Variants in DOK5 observed in about 807,000 individuals in gnomAD.
DOK5 encodes the protein downstream of tyrosine kinase 5.
DOK5 carries 27 observed loss-of-function variants against 43.3 expected under a neutral mutation model. The ratio of observed to expected loss-of-function variants is 0.62; its 90% confidence interval spans 0.46 to 0.86. The LOEUF is 0.86. DOK5 is among the 40% of genes least tolerant of loss of function. The pLI is 0.00. For missense variants in DOK5, 373 were observed against 392.9 expected, an observed-to-expected ratio of 0.95 and a Z score of 0.43; for synonymous variants, 146 against 140.1, an observed-to-expected ratio of 1.04 and a Z score of -0.30.
intron 4 of DOK5, among the ~76,000 whole-genome samples, chr20:54,591,328 T>C (rs2169707): frequency 0.18 from 28,110 of 152,182 alleles, 5,056 homozygotes; most frequent in African/African-American, 0.47. Context: ...TATTGGCATA[T>C]ACATTTTTAT....
chr20:54,611,873 A>G (rs1389144364), intron 6 of DOK5, among the ~76,000 whole-genome samples: 1 of 152,190 alleles, frequency 6.6e-6, no homozygotes, highest in East Asian at 1.9e-4. Flanking sequence ...TTATTCCCAA[A>G]TGACGTCTAT....
chr20:54,621,471 C>G (rs1432850141), intron 6 of DOK5, among the ~76,000 whole-genome samples: 1 of 152,140 alleles, frequency 6.6e-6, no homozygotes. Context: ...GCGGGCAGAT[C>G]ACTTGAGGTC....
At chr20:54,581,946 T>G (rs965734312) in intron 2 of DOK5, among the ~76,000 whole-genome samples, 2 of 152,008 alleles carry the variant, frequency 1.3e-5, no homozygotes, top group African/African-American at 4.8e-5. Context: ...AATGTGGTGA[T>G]AGTTGGCACC....
At chr20:54,480,988 TATC>T (rs1403831561) in intron 1 of DOK5, among the ~76,000 whole-genome samples, 5 of 27,508 alleles carry the variant, frequency 1.8e-4, no homozygotes, top group Admixed American at 4.8e-4. Context: ...ATCTATCATC[TATC>T]ATCTATCTAT....
chr20:54,490,870 G>A (rs1179703139), intron 1 of DOK5, among the ~76,000 whole-genome samples: 2 of 152,176 alleles, frequency 1.3e-5, no homozygotes, highest in Non-Finnish European at 2.9e-5. Context: ...TTACAGGCGT[G>A]AGCCACCGCG....
chr20:54,514,164 G>A (rs1018167960), intron 1 of DOK5, among the ~76,000 whole-genome samples: 2 of 152,208 alleles, frequency 1.3e-5, no homozygotes, highest in African/African-American at 4.8e-5. Flanking sequence ...ATGTGGCTCT[G>A]AATACAGGGC....
chr20:54,526,074 C>T (rs934722550), intron 1 of DOK5, among the ~76,000 whole-genome samples: 1 of 152,086 alleles, frequency 6.6e-6, no homozygotes, highest in African/African-American at 2.4e-5. Flanking sequence ...GCTGCCTCTC[C>T]CATTAAGGTT....
chr20:54,612,069 G>T (rs1443353031), intron 6 of DOK5, among the ~76,000 whole-genome samples: 5 of 152,178 alleles, frequency 3.3e-5, no homozygotes, highest in Non-Finnish European at 1.5e-5. Flanking sequence ...TTTATTAATG[G>T]ACATTGAGAT....
intron 2 of DOK5, among the ~76,000 whole-genome samples, chr20:54,560,119 C>CTG (rs756764339): frequency 1.6e-4 from 25 of 152,124 alleles, no homozygotes; most frequent in African/African-American, 2.4e-4. Context: ...TCCAACTTAT[C>CTG]TGTGTGTGTG....
rs558837092 is a variant in DOK5 at position 54,516,130 on chromosome 20, C to T, written c.67-38803C>T. Among the ~76,000 whole-genome samples the T allele has an allele frequency of 9.2e-5, 14 of 152,210 alleles. No individual in the cohort carries two copies. The South Asian group carries it at 1.2e-3, about 14-fold the overall frequency. On this transcript the variant is annotated intron_variant, in intron 1 of 7. Transcript: ENST00000262593. The stretch of plus-strand genomic sequence containing the variant: ...TCTGGGTCCCATATTCTCATTTCCC[C>T]GTATATAATTCCTCAAGTGGGCAGA...
At chr20:54,648,581 T>C (rs948353256) in intron 7 of DOK5, among the ~76,000 whole-genome samples, 5 of 151,968 alleles carry the variant, frequency 3.3e-5, no homozygotes, top group Admixed American at 6.5e-5. Flanking sequence ...GCAAAGGCCC[T>C]GAGTCAGAAA....
chr20:54,563,308 C>T (rs1443197293), intron 2 of DOK5, among the ~76,000 whole-genome samples: 1 of 152,200 alleles, frequency 6.6e-6, no homozygotes, highest in African/African-American at 2.4e-5. Context: ...TCACCATTGT[C>T]ATTCCCTGGT....
At chr20:54,476,466 C>T (rs1442535086) in intron 1 of DOK5, among the ~76,000 whole-genome samples, 1 of 152,044 alleles carries the variant, frequency 6.6e-6, no homozygotes, top group Non-Finnish European at 1.5e-5. Flanking sequence ...ACCCTCTGAC[C>T]CCAGGGAGAG....
At chr20:54,484,784 C>G (rs1202449371) in intron 1 of DOK5, among the ~76,000 whole-genome samples, 1 of 152,198 alleles carries the variant, frequency 6.6e-6, no homozygotes, top group East Asian at 1.9e-4. Context: ...GAGGCCAAGG[C>G]AGAAGGGCCA....
chr20:54,541,950 C>T (rs115148338), intron 1 of DOK5, among the ~76,000 whole-genome samples: 1,712 of 152,152 alleles, frequency 0.011, 38 homozygotes, highest in African/African-American at 0.039. Context: ...TCTTTCAAGT[C>T]GTTGCTCAGA....
intron 1 of DOK5, among the ~76,000 whole-genome samples, chr20:54,530,243 C>G (rs1449521845): frequency 6.6e-6 from 1 of 152,148 alleles, no homozygotes; most frequent in Non-Finnish European, 1.5e-5. Flanking sequence ...ATGCTAAAGT[C>G]TCTGTAAGCC....
chr20:54,477,737 G>A (rs1224793739), intron 1 of DOK5, among the ~76,000 whole-genome samples: 2 of 152,030 alleles, frequency 1.3e-5, no homozygotes, highest in Non-Finnish European at 2.9e-5. Flanking sequence ...CTGTGTTAGG[G>A]AGCATTCCAA....
intron 5 of DOK5, among the ~76,000 whole-genome samples, chr20:54,604,235 C>T (rs535521671): frequency 1.3e-5 from 2 of 151,962 alleles, no homozygotes; most frequent in African/African-American, 2.4e-5. Context: ...CATGAGCCAC[C>T]GCGCCCCGGC....
chr20:54,483,658 C>CT (rs1466024377), intron 1 of DOK5, among the ~76,000 whole-genome samples: 10 of 152,224 alleles, frequency 6.6e-5, no homozygotes, highest in Non-Finnish European at 1.2e-4. Context: ...GAAATTAAAC[C>CT]TTTGGAGATT....
Sources: allele counts gnomAD v4.1 joint callset (sites outside exome capture counted in the v4.1 genomes callset), GRCh38; gene constraint gnomAD v4.1.1; transcripts MANE v1.5; gene names NCBI Gene and HGNC (gene_info 2026-07-23, HGNC 2026-07-21).